Variants in SPEF2 observed in about 807,000 individuals in gnomAD.
SPEF2 encodes sperm flagellar and cilia associated 2.
Under a neutral mutation model 224.6 loss-of-function variants are expected in SPEF2, and 187 were observed. The observed-to-expected ratio is 0.83, with a 90% CI of 0.74 to 0.94. The LOEUF is 0.94. Ranked by LOEUF, SPEF2 falls within the 40% of genes least tolerant of loss-of-function variation. SPEF2 has a pLI of 0.00. For synonymous variants in SPEF2, 715 were observed against 707.3 expected (o/e 1.01, Z -0.17); for missense variants, 2,170 against 2,135.6 (o/e 1.02, Z -0.32).
chr5:35,618,432 T>C (rs531761100), intron 1 of SPEF2, among the ~76,000 whole-genome samples: 1 of 152,310 alleles, frequency 6.6e-6, no homozygotes, highest in Admixed American at 6.5e-5. Context: ...CTTTGTAGTC[T>C]GACCCCAACG....
intron 21 of SPEF2, 46 bp downstream of exon 21, chr5:35,727,869 G>A (rs377081534): frequency 6.3e-7 from 1 of 1,585,996 alleles, no homozygotes; most frequent in South Asian, 1.2e-5. Flanking sequence ...TCTTTCTCCT[G>A]CATATAGTAA....
chr5:35,664,317 AAAAAG>A (rs1750143631), intron 8 of SPEF2, among the ~76,000 whole-genome samples: 2 of 151,614 alleles, frequency 1.3e-5, no homozygotes, highest in African/African-American at 4.8e-5. Flanking sequence ...GGAAGGAAGG[AAAAAG>A]AAAAGAAAGG....
chr5:35,720,705 T>C (rs1580441977), intron 20 of SPEF2, among the ~76,000 whole-genome samples: 1 of 152,342 alleles, frequency 6.6e-6, no homozygotes, highest in African/African-American at 2.4e-5. Context: ...TATACAGTTT[T>C]GGAACATATA....
At chr5:35,784,814 C>G (rs1436935002) in intron 30 of SPEF2, among the ~76,000 whole-genome samples, 3 of 151,760 alleles carry the variant, frequency 2.0e-5, no homozygotes, top group Non-Finnish European at 4.4e-5. Flanking sequence ...CATTTAGAGC[C>G]AAGTGTCATG....
chr5:35,687,864 TAC>T (rs1753870887), intron 10 of SPEF2, among the ~76,000 whole-genome samples: 1 of 152,160 alleles, frequency 6.6e-6, no homozygotes, highest in African/African-American at 2.4e-5. Context: ...ACAGAATCTA[TAC>T]ATTTTTTGTT....
At chr5:35,692,146 C>T (rs925581265) in intron 11 of SPEF2, among the ~76,000 whole-genome samples, 1 of 152,050 alleles carries the variant, frequency 6.6e-6, no homozygotes, top group Non-Finnish European at 1.5e-5. Context: ...TGTGGTAGCT[C>T]ATGCTTGTAA....
At chr5:35,619,327 T>C (rs1476936414) in intron 1 of SPEF2, among the ~76,000 whole-genome samples, 1 of 152,230 alleles carries the variant, frequency 6.6e-6, no homozygotes. Flanking sequence ...AGTTGTACTC[T>C]TCTAAAAGAA....
chr5:35,643,383 A>G, intron 3 of SPEF2: 1 of 417,804 alleles, frequency 2.4e-6, no homozygotes, highest in Non-Finnish European at 4.8e-6. Flanking sequence ...GTTGAGAAGG[A>G]CTTTGGAGAT....
At chr5:35,672,227 C>G (rs1403479126) in intron 10 of SPEF2, among the ~76,000 whole-genome samples, 2 of 127,858 alleles carry the variant, frequency 1.6e-5, no homozygotes, top group Non-Finnish European at 3.3e-5. Context: ...TTTGCTTGAA[C>G]ATAATGTTCA....
chr5:35,730,236 C>A (rs7444083), intron 21 of SPEF2, among the ~76,000 whole-genome samples: 92,307 of 151,652 alleles, frequency 0.61, 28,488 homozygotes, highest in Non-Finnish European at 0.63. Context: ...ATCCTGGGAT[C>A]TCTTCCTTTT....
In SPEF2 at chr5:35,747,062, A is replaced by G. The variant is rs116690890; in HGVS notation, c.3331-6562A>G. Among the ~76,000 whole-genome samples, 1,395 of 152,296 alleles carry G rather than the reference A, an allele frequency of 9.2e-3. 16 individuals carry two copies. Among genetic ancestry groups the G allele is most frequent in the African/African-American group, 0.033 (1,359 of 41,560 alleles). ...ATTATCAGCCAAGAATTTTCTATCAAGCAAAACTAAGCATCGTATATGAAG... is the reference window on the plus strand; with the variant it reads ...ATTATCAGCCAAGAATTTTCTATCAGGCAAAACTAAGCATCGTATATGAAG... On this transcript the variant is annotated intron_variant, in intron 23 of 36. Coordinates refer to ENST00000356031, the MANE Select transcript of SPEF2 (RefSeq NM_024867.4).
At position 35,695,718 on chromosome 5, in the gene SPEF2, A is replaced by G; in HGVS notation, c.1976-17A>G. The G allele has an allele frequency of 2.5e-6, 4 of 1,602,908 alleles. No individual in the cohort carries two copies. The highest frequency in any genetic ancestry group is 3.4e-6 in the Non-Finnish European group (4 of 1,174,390). ...TAAATACCAGAAATTTGTTCTTACC[A>G]CTTTTCCTATTGCTAGGTGCTAATG... On this transcript the variant is annotated splice_polypyrimidine_tract_variant and intron_variant, in intron 13 of 36. Transcript: ENST00000356031.
chr5:35,719,232 G>C (rs997029527), intron 20 of SPEF2, among the ~76,000 whole-genome samples: 1 of 152,016 alleles, frequency 6.6e-6, no homozygotes, highest in African/African-American at 2.4e-5. Flanking sequence ...AAGCAAGCAG[G>C]GTTAGTCTAA....
intron 16 of SPEF2, among the ~76,000 whole-genome samples, chr5:35,704,199 T>C (rs1261511791): frequency 1.3e-5 from 2 of 150,888 alleles, no homozygotes; most frequent in African/African-American, 4.9e-5. Flanking sequence ...TCCAGCCACC[T>C]TGTTCTTTCA....
chr5:35,648,483 C>T (rs1747728368), intron 5 of SPEF2, among the ~76,000 whole-genome samples: 1 of 151,666 alleles, frequency 6.6e-6, no homozygotes, highest in African/African-American at 2.4e-5. Context: ...CTCCAAGGCT[C>T]AAGTGATCCT....
intron 28 of SPEF2, among the ~76,000 whole-genome samples, chr5:35,775,065 GT>G (rs1753418722): frequency 6.6e-6 from 1 of 152,124 alleles, no homozygotes; most frequent in African/African-American, 2.4e-5. Context: ...TCCTGTGATA[GT>G]TGCTGGAGAC....
intron 31 of SPEF2, among the ~76,000 whole-genome samples, chr5:35,792,724 C>T (rs897250004): frequency 7.9e-5 from 12 of 152,174 alleles, no homozygotes; most frequent in Non-Finnish European, 1.8e-4. Flanking sequence ...ATGGAATGAT[C>T]CTAACTAGTA....
At chr5:35,677,724 A>T (rs1432576373) in intron 10 of SPEF2, among the ~76,000 whole-genome samples, 1 of 152,162 alleles carries the variant, frequency 6.6e-6, no homozygotes, top group African/African-American at 2.4e-5. Context: ...CAGAGTGCTA[A>T]TCAGAAGCCC....
At chr5:35,798,414 A>G (rs1001515013) in intron 33 of SPEF2, among the ~76,000 whole-genome samples, 1 of 152,024 alleles carries the variant, frequency 6.6e-6, no homozygotes, top group African/African-American at 2.4e-5. Flanking sequence ...CAGCCTCAGC[A>G]GCCCCTTTGT....
Sources: allele counts gnomAD v4.1 joint callset (sites outside exome capture counted in the v4.1 genomes callset), GRCh38; gene constraint gnomAD v4.1.1; transcripts MANE v1.5; gene names NCBI Gene and HGNC (gene_info 2026-07-23, HGNC 2026-07-21).